Variants in CNN3 observed in about 807,000 individuals in gnomAD.
The protein encoded by CNN3 is calponin-3.
CNN3 carries 11 observed loss-of-function variants against 39.0 expected under a neutral mutation model. The ratio of observed to expected loss-of-function variants is 0.28; its 90% CI spans 0.18 to 0.47. CNN3 has a LOEUF of 0.47. CNN3 is among the 20% of genes least tolerant of loss of function. CNN3 has a pLI of 0.99. For synonymous variants in CNN3, 101 were observed against 138.3 expected (o/e 0.73, Z 1.89); for missense variants, 266 against 403.4 (o/e 0.66, Z 2.92).
At chr1:94,911,940 T>G (rs908883037) in intron 1 of CNN3, among the ~76,000 whole-genome samples, 6 of 151,556 alleles carry the variant, frequency 4.0e-5, no homozygotes, top group African/African-American at 1.5e-4. Flanking sequence ...GTGGCACACA[T>G]CTGTAGCGCC....
At chr1:94,922,306 C>T (rs1671468174) in intron 1 of CNN3, among the ~76,000 whole-genome samples, 1 of 152,124 alleles carries the variant, frequency 6.6e-6, no homozygotes, top group Non-Finnish European at 1.5e-5. Context: ...ATCACACTTG[C>T]ACTACAGAAT....
At chr1:94,899,208 G>A (rs1055820046) in intron 6 of CNN3, among the ~76,000 whole-genome samples, 163 bp downstream of exon 6, 1 of 152,090 alleles carries the variant, frequency 6.6e-6, no homozygotes, top group Non-Finnish European at 1.5e-5. Flanking sequence ...TGCTTTTGCT[G>A]CTATCGAAAA....
At chr1:94,907,677 G>A (rs528044077) in intron 1 of CNN3, among the ~76,000 whole-genome samples, 60 of 152,224 alleles carry the variant, frequency 3.9e-4, no homozygotes, top group South Asian at 2.7e-3. Flanking sequence ...TGGCTAACAC[G>A]GTGAAACCCT....
Position 94,926,773 on chromosome 1 carries a change from G to T in CNN3, c.57+65C>A. 1 of 1,528,562 alleles carries T rather than the reference G, an allele frequency of 6.5e-7. No individual in the cohort carries two copies. Among genetic ancestry groups the T allele is most frequent in the African/African-American group, 1.4e-5 (1 of 72,232 alleles). 94.7% of individuals were successfully genotyped at this position (1,528,562 alleles called of 1,614,324 possible). On this transcript the variant is annotated intron_variant, in intron 1 of 6. Transcript: ENST00000370206. This position sits in a 1 kb window ranked among gnomAD's most constrained non-coding sequence, Gnocchi z 4.2. Reference sequence around the variant, plus strand: ...ACAGCGCGAAGAGCAAACGAAGCACGGCCCAGCGCCAGGCCAGCCCAAGGG... The same window carrying T: ...ACAGCGCGAAGAGCAAACGAAGCACTGCCCAGCGCCAGGCCAGCCCAAGGG...
At chr1:94,910,948 C>T (rs774173602) in intron 1 of CNN3, among the ~76,000 whole-genome samples, 5 of 152,206 alleles carry the variant, frequency 3.3e-5, no homozygotes, top group Non-Finnish European at 7.3e-5. Flanking sequence ...ACTCCCTTTA[C>T]CACTCTTCCT....
chr1:94,900,529 A>T (rs760495759), intron 5 of CNN3, among the ~76,000 whole-genome samples: 5 of 152,192 alleles, frequency 3.3e-5, no homozygotes, highest in Non-Finnish European at 5.9e-5. Flanking sequence ...ATTTTACATT[A>T]CACTTTGCTT....
chr1:94,905,575 A>C (rs1191730357), intron 1 of CNN3, among the ~76,000 whole-genome samples: 1 of 152,238 alleles, frequency 6.6e-6, no homozygotes, highest in Non-Finnish European at 1.5e-5. Context: ...CCCAAGTTGG[A>C]GAAATGGCTC....
At position 94,897,031 on chromosome 1, in the gene CNN3, T is replaced by C. The variant is rs1670740570; in HGVS notation, c.*711A>G. 6.5e-6 allele frequency: 1 copy of C among 152,846 alleles called. No homozygotes were observed. The highest frequency in any genetic ancestry group is 1.5e-5 in the Non-Finnish European group (1 of 68,028). 9.5% of individuals were successfully genotyped at this position (152,846 alleles called of 1,614,324 possible). A position where few individuals can be genotyped will look rare whatever the true frequency, so the allele number is the denominator to read the frequency against. ...TTATGCTGAGAAATGCAGCAATAAA[T>C]ACAGTTGAAGAAAACAGAGCAACTC... is the stretch of plus-strand genomic sequence containing the variant. On this transcript the variant is annotated 3_prime_UTR_variant, in exon 7 of 7. Transcript: ENST00000370206.
intron 1 of CNN3, among the ~76,000 whole-genome samples, chr1:94,922,103 A>G (rs907375632): frequency 6.6e-6 from 1 of 152,204 alleles, no homozygotes; most frequent in African/African-American, 2.4e-5. Context: ...TCAACATAAT[A>G]TTAACTATTT....
chr1:94,922,870 T>C (rs1671482075), intron 1 of CNN3, among the ~76,000 whole-genome samples: 2 of 152,226 alleles, frequency 1.3e-5, no homozygotes, highest in Admixed American at 6.5e-5. Flanking sequence ...AGAAATACCA[T>C]TTTGTAATCA....
chr1:94,926,798 G>A lies in CNN3; in HGVS notation c.57+40C>T, dbSNP rs199838128. On this transcript the variant is annotated intron_variant, in intron 1 of 6. Transcript: ENST00000370206. The surrounding 1 kb of genome is among the most constrained non-coding windows in gnomAD (Gnocchi z 4.2). ...GGCCCAGCGCCAGGCCAGCCCAAGG[G>A]TGCCCCGGGGGCCCCCGCGCCCGCC... 1.4e-4 allele frequency: 220 copies of A among 1,596,496 alleles called. No individual in the cohort carries two copies. In the African/African-American group the frequency reaches 2.5e-3, roughly 18 times the overall value.
intron 6 of CNN3, among the ~76,000 whole-genome samples, chr1:94,898,636 G>C (rs1670784430): frequency 6.6e-6 from 1 of 152,148 alleles, no homozygotes; most frequent in Admixed American, 6.6e-5. Context: ...TCAGAGTACA[G>C]TAACTCATAC....
chr1:94,913,204 T>C (rs1361467081), intron 1 of CNN3, among the ~76,000 whole-genome samples: 1 of 152,244 alleles, frequency 6.6e-6, no homozygotes, highest in African/African-American at 2.4e-5. Flanking sequence ...TTGGTCTGCA[T>C]AGTTATACAA....
intron 1 of CNN3, among the ~76,000 whole-genome samples, chr1:94,915,211 T>C (rs1671252503): frequency 6.6e-6 from 1 of 152,202 alleles, no homozygotes; most frequent in African/African-American, 2.4e-5. Context: ...ATTTTGCTTT[T>C]AATGAGGATG....
At position 94,903,138 on chromosome 1, in the gene CNN3, G is replaced by A; in HGVS notation, c.230C>T (p.Ser77Leu). The A allele has an allele frequency of 6.2e-7, 1 of 1,610,436 alleles. No individual in the cohort carries two copies. Among genetic ancestry groups the A allele is most frequent in the Non-Finnish European group, 8.5e-7 (1 of 1,177,992 alleles). Reference sequence around the variant, plus strand: ...GGCTGTTACCTGAGGCCAGTTCAGTGAGGACTCGTTGACCTTCTTCACTGA... The same window carrying A: ...GGCTGTTACCTGAGGCCAGTTCAGTAAGGACTCGTTGACCTTCTTCACTGA... ...PGSVKKVNES[S>L]LNWPQLENIG... Residue 77 changes from serine (S) to leucine (L), a missense_variant, in exon 3 of 7, where the codon TCA becomes TTA. Ser to Leu is a moderately radical substitution (Grantham distance 145, BLOSUM62 -2). Coordinates refer to ENST00000370206, the MANE Select transcript of CNN3 (RefSeq NM_001839.5).
chr1:94,898,214 G>GCTA (rs1257852865), intron 6 of CNN3, 131 bp from the exon 7 acceptor site: 1 of 942,236 alleles, frequency 1.1e-6, no homozygotes, highest in East Asian at 2.6e-5. Context: ...CAGGGGTAAA[G>GCTA]CTAGCTTAAC....
intron 1 of CNN3, among the ~76,000 whole-genome samples, chr1:94,907,186 G>A (rs1174296825): frequency 6.6e-6 from 1 of 152,188 alleles, no homozygotes; most frequent in African/African-American, 2.4e-5. Context: ...AGCCCCATAT[G>A]ATCAATTAAA....
intron 1 of CNN3, among the ~76,000 whole-genome samples, chr1:94,909,464 C>G (rs910776706): frequency 6.6e-6 from 1 of 152,196 alleles, no homozygotes; most frequent in Non-Finnish European, 1.5e-5. Flanking sequence ...AAGTCTCTCC[C>G]CCCACAAATC....
chr1:94,907,661 C>T (rs757865240), intron 1 of CNN3, among the ~76,000 whole-genome samples: 2 of 152,166 alleles, frequency 1.3e-5, no homozygotes, highest in Non-Finnish European at 2.9e-5. Context: ...GAGATCAAGA[C>T]CATCCTGGCT....
Sources: gnomAD v4.1 joint callset for allele counts (sites outside exome capture counted in the v4.1 genomes callset) on GRCh38, gnomAD v4.1.1 for gene constraint, Gnocchi (gnomAD v3.1) non-coding constraint, MANE v1.5 for transcripts, NCBI Gene and HGNC (gene_info 2026-07-23, HGNC 2026-07-21) for gene names.